Variants in PITPNC1 observed in about 807,000 individuals in gnomAD.
PITPNC1 encodes the protein phosphatidylinositol transfer protein cytoplasmic 1.
PITPNC1 carries 18 observed loss-of-function variants against 44.7 expected under a neutral mutation model. The ratio of observed to expected loss-of-function variants is 0.40; its 90% CI spans 0.28 to 0.60. The LOEUF is 0.60. Among genes scored for constraint, PITPNC1 ranks in the 20% least tolerant of loss-of-function variants. The probability of loss-of-function intolerance (pLI) is 0.39; values close to 1 mark genes in which losing one functional copy is unlikely to be tolerated. For synonymous variants in PITPNC1, 141 were observed against 149.6 expected (o/e 0.94, Z 0.42); for missense variants, 290 against 418.4 (o/e 0.69, Z 2.68).
chr17:67,395,793 C>T (rs995557220), intron 1 of PITPNC1, among the ~76,000 whole-genome samples: 7 of 151,956 alleles, frequency 4.6e-5, no homozygotes, highest in East Asian at 1.9e-4. Context: ...TTAAATCCTG[C>T]CCCCCCACCC....
intron 4 of PITPNC1, among the ~76,000 whole-genome samples, chr17:67,570,535 A>C (rs2041039838): frequency 6.6e-6 from 1 of 152,166 alleles, no homozygotes; most frequent in Non-Finnish European, 1.5e-5. Context: ...TCTCGTCCAC[A>C]TTGCCTAGGA....
chr17:67,544,568 C>T lies in PITPNC1; in HGVS notation c.198-7689C>T, dbSNP rs79340136. Among the ~76,000 whole-genome samples, 400 of 152,348 alleles carry T rather than the reference C, an allele frequency of 2.6e-3. 4 individuals are homozygous for T. Among genetic ancestry groups the T allele is most frequent in the African/African-American group, 8.9e-3 (369 of 41,586 alleles). Reference sequence around the variant, plus strand: ...GGTTGCCAGCTTCTAACGGTGATTCCGCCTAATGCCTGAATTGATTTTCAG... The same window carrying T: ...GGTTGCCAGCTTCTAACGGTGATTCTGCCTAATGCCTGAATTGATTTTCAG... On this transcript the variant is annotated intron_variant, in intron 2 of 8. Transcript: ENST00000581322.
At chr17:67,467,034 G>A (rs1445907043) in intron 1 of PITPNC1, among the ~76,000 whole-genome samples, 5 of 151,424 alleles carry the variant, frequency 3.3e-5, no homozygotes, top group Non-Finnish European at 5.9e-5. Context: ...AGCTGAAAAG[G>A]GACCTGAGCC....
chr17:67,521,289 T>C (rs2040321981), intron 1 of PITPNC1, among the ~76,000 whole-genome samples: 1 of 152,196 alleles, frequency 6.6e-6, no homozygotes, highest in Admixed American at 6.5e-5. Context: ...AAAAGGGGGA[T>C]TTTTTGAATT....
intron 1 of PITPNC1, among the ~76,000 whole-genome samples, chr17:67,416,752 A>G (rs1336475818): frequency 6.6e-6 from 1 of 152,190 alleles, no homozygotes. Flanking sequence ...AGAACAACTT[A>G]TATCAACAAT....
intron 1 of PITPNC1, among the ~76,000 whole-genome samples, chr17:67,524,106 A>G (rs1403025906): frequency 6.6e-6 from 1 of 152,132 alleles, no homozygotes; most frequent in South Asian, 2.1e-4. Flanking sequence ...CACTGCGCCC[A>G]GCCTAAATTT....
intron 6 of PITPNC1, among the ~76,000 whole-genome samples, chr17:67,650,699 C>G (rs766687452): frequency 6.6e-6 from 1 of 152,128 alleles, no homozygotes; most frequent in Non-Finnish European, 1.5e-5. Context: ...GATCCGCCCT[C>G]CTTGGCCTCC....
At chr17:67,515,620 G>T (rs566840183) in intron 1 of PITPNC1, among the ~76,000 whole-genome samples, 1 of 152,164 alleles carries the variant, frequency 6.6e-6, no homozygotes, top group East Asian at 1.9e-4. Flanking sequence ...TGGGCTGGGC[G>T]TGGAGCCGGC....
At chr17:67,558,163 C>G (rs1296855337) in intron 4 of PITPNC1, among the ~76,000 whole-genome samples, 2 of 152,148 alleles carry the variant, frequency 1.3e-5, no homozygotes, top group Non-Finnish European at 2.9e-5. Context: ...AGGGCTTCAG[C>G]ACTATCACAA....
intron 1 of PITPNC1, among the ~76,000 whole-genome samples, chr17:67,452,189 T>C (rs2039189368): frequency 6.6e-6 from 1 of 151,602 alleles, no homozygotes; most frequent in African/African-American, 2.4e-5. Context: ...TATTTTTGTT[T>C]TGTATAGACG....
chr17:67,384,286 G>A (rs2038007941), intron 1 of PITPNC1, among the ~76,000 whole-genome samples: 1 of 152,002 alleles, frequency 6.6e-6, no homozygotes, highest in Non-Finnish European at 1.5e-5. Context: ...CAGGGAGCCA[G>A]TGCACTTCAT....
intron 1 of PITPNC1, among the ~76,000 whole-genome samples, chr17:67,461,915 A>C (rs1170758582): frequency 6.6e-6 from 1 of 152,190 alleles, no homozygotes; most frequent in Non-Finnish European, 1.5e-5. Flanking sequence ...GGACTATTTG[A>C]TGACTTGCTC....
chr17:67,486,695 A>AC (rs1255151181), intron 1 of PITPNC1, among the ~76,000 whole-genome samples: 2 of 152,154 alleles, frequency 1.3e-5, no homozygotes, highest in Admixed American at 6.5e-5. Flanking sequence ...ATAACGAGGA[A>AC]TGTGGTTGAC....
intron 5 of PITPNC1, among the ~76,000 whole-genome samples, chr17:67,587,330 A>G (rs941292867): frequency 1.3e-5 from 2 of 151,962 alleles, no homozygotes; most frequent in African/African-American, 2.4e-5. Context: ...TCTACAAAAA[A>G]AAAAAAAAAT....
intron 6 of PITPNC1, among the ~76,000 whole-genome samples, chr17:67,654,151 T>C (rs938825444): frequency 6.6e-6 from 1 of 152,292 alleles, no homozygotes. Flanking sequence ...GGGAAAGACA[T>C]TGGTACTGAG....
chr17:67,612,672 CGGATGGATGGATGGATGGATGGATGGAT>C (rs61521480), intron 5 of PITPNC1: 4 of 147,236 alleles, frequency 2.7e-5, no homozygotes, highest in African/African-American at 7.5e-5. Context: ...GATGGATGGG[CGGATGGATGGATGGATGGATGGATGGAT>C]GGATGGATGG....
At chr17:67,544,953 T>C (rs2040658073) in intron 2 of PITPNC1, among the ~76,000 whole-genome samples, 1 of 152,210 alleles carries the variant, frequency 6.6e-6, no homozygotes, top group African/African-American at 2.4e-5. Context: ...ATGCTATTTT[T>C]CCAAGAATCT....
intron 6 of PITPNC1, among the ~76,000 whole-genome samples, chr17:67,652,956 C>A (rs543285974): frequency 1.3e-5 from 2 of 152,264 alleles, no homozygotes; most frequent in East Asian, 3.9e-4. Context: ...TAGGGGGACC[C>A]TAATCCAGTA....
intron 1 of PITPNC1, among the ~76,000 whole-genome samples, chr17:67,397,610 AACATCTCTCT>A (rs2143813328): frequency 6.6e-6 from 1 of 152,288 alleles, no homozygotes; most frequent in South Asian, 2.1e-4. Flanking sequence ...ATCTGCACTG[AACATCTCTCT>A]AAATCATGGG....
Sources: gnomAD v4.1 joint callset for allele counts (sites outside exome capture counted in the v4.1 genomes callset) on GRCh38, gnomAD v4.1.1 for gene constraint, MANE v1.5 for transcripts, NCBI Gene and HGNC (gene_info 2026-07-23, HGNC 2026-07-21) for gene names.